BPIFC: variants seen among roughly 807,000 people sequenced by gnomAD.
BPIFC encodes BPI fold containing family C.
Under a neutral mutation model 57.6 loss-of-function variants are expected in BPIFC, and 60 were observed. The ratio of observed to expected loss-of-function variants is 1.04; its 90% CI spans 0.85 to 1.29. The LOEUF is 1.29. BPIFC is among the 50% of genes most tolerant of loss of function. The pLI is 0.00. For missense variants in BPIFC, 581 were observed against 600.5 expected (o/e 0.97, Z 0.34); for synonymous variants, 243 against 224.5 (o/e 1.08, Z -0.74).
At chr22:32,435,641 T>C (rs1934367995) in intron 10 of BPIFC, 63 bp downstream of exon 10, 2 of 1,523,708 alleles carry the variant, frequency 1.3e-6, no homozygotes, top group Non-Finnish European at 8.9e-7. Flanking sequence ...AGTTCTACAA[T>C]AGGATACTTA....
intron 13 of BPIFC, among the ~76,000 whole-genome samples, chr22:32,427,897 G>A (rs749361078): frequency 1.1e-4 from 16 of 152,210 alleles, no homozygotes; most frequent in Non-Finnish European, 2.1e-4. Flanking sequence ...TGAGGCAGGA[G>A]AATCACTTGA....
intron 16 of BPIFC, 100 bp downstream of exon 16, chr22:32,415,815 C>G (rs1031296476): frequency 2.5e-6 from 2 of 794,116 alleles, no homozygotes; most frequent in African/African-American, 3.7e-5. Context: ...CAAAGCAGGA[C>G]AAAAACAAAC....
At chr22:32,421,026 G>A (rs974903755) in intron 13 of BPIFC, among the ~76,000 whole-genome samples, 1 of 152,194 alleles carries the variant, frequency 6.6e-6, no homozygotes, top group African/African-American at 2.4e-5. Context: ...TGTCCTTGAT[G>A]TTCTTTTTCA....
At chr22:32,419,803 C>CAAAAAAAAAAAAAAA (rs34812283) in intron 13 of BPIFC, among the ~76,000 whole-genome samples, 1 of 102,370 alleles carries the variant, frequency 9.8e-6, no homozygotes, top group Non-Finnish European at 1.9e-5. Context: ...GAGACCCTGT[C>CAAAAAAAAAAAAAAA]AAAAAAAAAA....
intron 1 of BPIFC, 105 bp downstream of exon 1, chr22:32,464,269 A>C (rs751025081): frequency 1.3e-5 from 5 of 373,392 alleles, no homozygotes; most frequent in Non-Finnish European, 1.8e-5. Context: ...ATAATAACCC[A>C]GGATATATGA....
chr22:32,444,699 C>T (rs1934665413), intron 7 of BPIFC, among the ~76,000 whole-genome samples: 1 of 152,102 alleles, frequency 6.6e-6, no homozygotes, highest in South Asian at 2.1e-4. Context: ...TATTGTATGT[C>T]CTGGAAATAC....
intron 9 of BPIFC, among the ~76,000 whole-genome samples, chr22:32,437,001 T>A (rs738260): frequency 0.095 from 14,452 of 152,282 alleles, 819 homozygotes; most frequent in Middle Eastern, 0.13. Flanking sequence ...TGTTTTTCCA[T>A]GATCAGTGAA....
chr22:32,439,926 T>C (rs1050654713), intron 8 of BPIFC, among the ~76,000 whole-genome samples: 1 of 151,896 alleles, frequency 6.6e-6, no homozygotes, highest in Non-Finnish European at 1.5e-5. Flanking sequence ...TTGCCACAGT[T>C]TTTAAAATAC....
At chr22:32,451,908 C>T (rs1306958586) in intron 4 of BPIFC, among the ~76,000 whole-genome samples, 1 of 152,014 alleles carries the variant, frequency 6.6e-6, no homozygotes, top group Non-Finnish European at 1.5e-5. Flanking sequence ...TCCCCTATTG[C>T]TTTCTCTTTT....
chr22:32,422,816 TG>T (rs1426291268), intron 13 of BPIFC, among the ~76,000 whole-genome samples: 2 of 152,012 alleles, frequency 1.3e-5, no homozygotes, highest in Non-Finnish European at 2.9e-5. Context: ...GGGCATATCA[TG>T]GGGGGAAAAC....
At chr22:32,442,778 C>T (rs763508166) in intron 7 of BPIFC, 47 bp from the exon 8 acceptor site, 4 of 1,568,940 alleles carry the variant, frequency 2.5e-6, no homozygotes, top group South Asian at 1.1e-5. Flanking sequence ...CCATGTTGTA[C>T]TGGAAAGCCT....
At chr22:32,426,266 C>A (rs1934065716) in intron 13 of BPIFC, among the ~76,000 whole-genome samples, 1 of 152,032 alleles carries the variant, frequency 6.6e-6, no homozygotes, top group Non-Finnish European at 1.5e-5. Context: ...TTTCCTGCTG[C>A]ATCTCTCTGA....
In BPIFC at chr22:32,437,777, G is replaced by A; in HGVS notation, c.730C>T (p.Leu244Phe). 6.2e-7 allele frequency: 1 copy of A among 1,606,828 alleles called. No individual in the cohort carries two copies. The highest frequency in any genetic ancestry group is 8.5e-7 in the Non-Finnish European group (1 of 1,173,432). ...ISSPEITENY[L>F]DLNLKGVFYP... is the part of the protein sequence containing the mutation. Reference sequence around the variant, plus strand: ...AAAGTTACCTTCAAGTTCAGGTCAAGGTAGTTCTCAGTAATTTCTGGAGAA... The same window carrying A: ...AAAGTTACCTTCAAGTTCAGGTCAAAGTAGTTCTCAGTAATTTCTGGAGAA... The change falls in exon 9 of 17, where the codon CTT becomes TTT. Residue 244 changes from leucine (L) to phenylalanine (F), a missense_variant. Coordinates refer to ENST00000300399, the MANE Select transcript of BPIFC (RefSeq NM_174932.3).
intron 5 of BPIFC, 90 bp from the exon 6 acceptor site, chr22:32,446,086 G>T: frequency 6.9e-7 from 1 of 1,453,286 alleles, no homozygotes; most frequent in African/African-American, 1.4e-5. Flanking sequence ...CTAAGCTCCT[G>T]GACTGCAGTG....
At chr22:32,427,628 C>T (rs9621440) in intron 13 of BPIFC, among the ~76,000 whole-genome samples, 3,596 of 152,242 alleles carry the variant, frequency 0.024, 133 homozygotes, top group African/African-American at 0.077. Context: ...CGCTCGTGGC[C>T]GATCTCAGAT....
chr22:32,430,631 AAT>A (rs1020676783), intron 13 of BPIFC, among the ~76,000 whole-genome samples: 1 of 149,734 alleles, frequency 6.7e-6, no homozygotes, highest in Non-Finnish European at 1.5e-5. Flanking sequence ...TATAATATAA[AAT>A]ATGTGAGAGA....
intron 15 of BPIFC, among the ~76,000 whole-genome samples, chr22:32,416,790 T>C (rs1203774633): frequency 1.3e-5 from 2 of 152,160 alleles, no homozygotes; most frequent in African/African-American, 4.8e-5. Context: ...TGGAAGGAGA[T>C]TCTTTACTGC....
intron 8 of BPIFC, among the ~76,000 whole-genome samples, chr22:32,439,804 A>G (rs1483186149): frequency 2.0e-5 from 3 of 152,062 alleles, no homozygotes; most frequent in Admixed American, 2.0e-4. Context: ...TAGTAGAGAC[A>G]GCATTTCACC....
intron 6 of BPIFC, 38 bp from the exon 7 acceptor site, chr22:32,445,736 G>C: frequency 1.6e-6 from 1 of 612,364 alleles, no homozygotes; most frequent in Non-Finnish European, 2.2e-6. Context: ...AAAAAAAAAA[G>C]AGGTTACTCA....
Sources: allele counts gnomAD v4.1 joint callset (sites outside exome capture counted in the v4.1 genomes callset), GRCh38; gene constraint gnomAD v4.1.1; transcripts MANE v1.5; gene names NCBI Gene and HGNC (gene_info 2026-07-23, HGNC 2026-07-21).